The following SBF2 variants were observed in gnomAD, a reference collection of about 807,000 sequenced individuals.
The protein encoded by SBF2 is myotubularin-related protein 13.
Under a neutral mutation model 225.2 loss-of-function variants are expected in SBF2, and 112 were observed. The observed-to-expected ratio is 0.50, with a 90% CI of 0.43 to 0.58. The LOEUF is 0.58. SBF2 is among the 20% of genes least tolerant of loss of function. The pLI is 0.00. For synonymous variants in SBF2, 763 were observed against 773.3 expected (o/e 0.99, Z 0.22); for missense variants, 1,996 against 2,206.2 (o/e 0.90, Z 1.91).
chr11:10,263,224 G>C (rs567907741), intron 1 of SBF2, among the ~76,000 whole-genome samples: 2 of 151,704 alleles, frequency 1.3e-5, no homozygotes, highest in East Asian at 3.9e-4. Context: ...TCAGACAAAA[G>C]AAAATAAGCA....
chr11:10,040,364 C>T lies in SBF2; in HGVS notation c.279+2480G>A, dbSNP rs1355298834. ...GGTAATATTCCAACTGTTGACACAG[C>T]CTGAAACTAACAATGAGAGATACTG... On this transcript the variant is annotated intron_variant, in intron 3 of 39. Coordinates refer to ENST00000256190, the MANE Select transcript of SBF2 (RefSeq NM_030962.4). 2.6e-5 allele frequency among the ~76,000 whole-genome samples: 4 copies of T among 151,810 alleles called. No individual in the cohort carries two copies. In the East Asian group the frequency reaches 7.7e-4, roughly 29 times the overall value.
chr11:10,156,221 C>T (rs914906894), intron 2 of SBF2, among the ~76,000 whole-genome samples: 5 of 152,248 alleles, frequency 3.3e-5, no homozygotes, highest in African/African-American at 4.8e-5. Context: ...CAGGTGTGTG[C>T]ACTCAGGGTG....
At chr11:10,135,666 A>C (rs1233849874) in intron 2 of SBF2, among the ~76,000 whole-genome samples, 1 of 152,182 alleles carries the variant, frequency 6.6e-6, no homozygotes, top group Non-Finnish European at 1.5e-5. Context: ...AAACATAATA[A>C]GAGTCACTTT....
chr11:9,995,588 A>T (rs1947655270), intron 9 of SBF2, among the ~76,000 whole-genome samples: 1 of 151,980 alleles, frequency 6.6e-6, no homozygotes, highest in Non-Finnish European at 1.5e-5. Flanking sequence ...CATCCATGAA[A>T]TTTAGTCTCT....
At chr11:9,925,633 T>C (rs1351197025) in intron 16 of SBF2, among the ~76,000 whole-genome samples, 3 of 152,242 alleles carry the variant, frequency 2.0e-5, no homozygotes, top group Non-Finnish European at 4.4e-5. Context: ...CCAATGTATA[T>C]GTCACACTAA....
intron 2 of SBF2, among the ~76,000 whole-genome samples, chr11:10,064,320 G>A (rs184410986): frequency 6.6e-6 from 1 of 152,086 alleles, no homozygotes; most frequent in East Asian, 1.9e-4. Context: ...GATTGTTTAA[G>A]CCCAAAAGTA....
intron 16 of SBF2, among the ~76,000 whole-genome samples, chr11:9,908,339 T>TG (rs1218648555): frequency 1.3e-5 from 2 of 152,112 alleles, no homozygotes; most frequent in Admixed American, 6.6e-5. Context: ...AGAAGGCAGA[T>TG]GGGGGGCTTG....
intron 1 of SBF2, among the ~76,000 whole-genome samples, chr11:10,253,951 T>C (rs1960612408): frequency 6.6e-6 from 1 of 152,262 alleles, no homozygotes; most frequent in African/African-American, 2.4e-5. Context: ...TTACCTCACA[T>C]CTGTTAAATA....
intron 1 of SBF2, among the ~76,000 whole-genome samples, chr11:10,208,826 T>C (rs886952797): frequency 6.6e-6 from 1 of 151,996 alleles, no homozygotes; most frequent in Non-Finnish European, 1.5e-5. Context: ...AGAAAAAAAA[T>C]ACAACTGAAA....
chr11:10,202,530 A>T (rs946423957), intron 1 of SBF2, among the ~76,000 whole-genome samples: 1 of 152,246 alleles, frequency 6.6e-6, no homozygotes, highest in Non-Finnish European at 1.5e-5. Flanking sequence ...TCAGGCCTGT[A>T]ATCCCAGCAC....
intron 14 of SBF2, among the ~76,000 whole-genome samples, chr11:9,967,856 G>A (rs900351616): frequency 2.6e-5 from 4 of 151,474 alleles, no homozygotes; most frequent in Admixed American, 6.6e-5. Flanking sequence ...CAGAAGTTAC[G>A]GTGAGCCGAG....
At chr11:9,999,958 T>C (rs1026685921) in intron 8 of SBF2, among the ~76,000 whole-genome samples, 4 of 152,238 alleles carry the variant, frequency 2.6e-5, no homozygotes, top group East Asian at 1.9e-4. Flanking sequence ...CTGTGGATCA[T>C]AGATGCTATG....
chr11:10,211,336 C>T (rs1457263963), intron 1 of SBF2, among the ~76,000 whole-genome samples: 3 of 152,190 alleles, frequency 2.0e-5, no homozygotes, highest in Non-Finnish European at 4.4e-5. Flanking sequence ...GAGGTTGGAA[C>T]AGTACACTTA....
intron 6 of SBF2, among the ~76,000 whole-genome samples, chr11:10,011,468 C>T (rs895229069): frequency 3.3e-5 from 5 of 152,240 alleles, no homozygotes; most frequent in Admixed American, 2.6e-4. Context: ...ATCCACCCAC[C>T]TCAGCCTCCC....
chr11:10,265,678 A>G (rs1961913423), intron 1 of SBF2, among the ~76,000 whole-genome samples: 1 of 152,132 alleles, frequency 6.6e-6, no homozygotes. Flanking sequence ...GCACCTATGT[A>G]AATAATAATA....
At chr11:10,119,180 C>T (rs1223333675) in intron 2 of SBF2, among the ~76,000 whole-genome samples, 1 of 151,988 alleles carries the variant, frequency 6.6e-6, no homozygotes, top group Non-Finnish European at 1.5e-5. Context: ...CTAAGTCTGC[C>T]ACTTTGTCCA....
chr11:9,792,926 T>C (rs1372551085), intron 33 of SBF2, among the ~76,000 whole-genome samples: 2 of 134,464 alleles, frequency 1.5e-5, no homozygotes, highest in Non-Finnish European at 3.2e-5. Flanking sequence ...CTAATTTGTG[T>C]GTGTGTGTGT....
At chr11:9,959,347 G>T in intron 16 of SBF2, 1 of 778,610 alleles carries the variant, frequency 1.3e-6, no homozygotes, top group Middle Eastern at 3.6e-4. Flanking sequence ...GGGGCTCAGG[G>T]AATCCACTGG....
chr11:10,081,299 A>C (rs7939064), intron 2 of SBF2, among the ~76,000 whole-genome samples: 25,461 of 152,116 alleles, frequency 0.17, 2,377 homozygotes, highest in East Asian at 0.28. Context: ...AACACATAGA[A>C]ATTAAAGAAT....
Sources: gnomAD v4.1 joint callset for allele counts (sites outside exome capture counted in the v4.1 genomes callset) on GRCh38, gnomAD v4.1.1 for gene constraint, MANE v1.5 for transcripts, NCBI Gene and HGNC (gene_info 2026-07-23, HGNC 2026-07-21) for gene names.